SYNE1: variants seen among roughly 807,000 people sequenced by gnomAD.
SYNE1 encodes the protein nesprin-1.
Under a neutral mutation model 1,111.0 loss-of-function variants are expected in SYNE1, and 616 were observed. The ratio of observed to expected loss-of-function variants is 0.55; its 90% CI spans 0.52 to 0.59. The LOEUF is 0.59. Ranked by LOEUF, SYNE1 falls within the 20% of genes least tolerant of loss-of-function variation. SYNE1 has a pLI of 0.00. For missense variants in SYNE1, 10,006 were observed against 10,417.0 expected (o/e 0.96, Z 1.72); for synonymous variants, 3,855 against 3,825.8 (o/e 1.01, Z -0.28).
At chr6:152,255,469 T>G in intron 103 of SYNE1, 122 bp downstream of exon 103, 1 of 1,165,012 alleles carries the variant, frequency 8.6e-7, no homozygotes. Flanking sequence ...TAAGCAATTA[T>G]GTTCTGCATT....
chr6:152,129,368 C>A (rs773449789), intron 145 of SYNE1: 4 of 152,212 alleles, frequency 2.6e-5, no homozygotes, highest in Non-Finnish European at 5.9e-5. Context: ...TTCTTCATCT[C>A]TGTTCATGGT....
In SYNE1 at chr6:152,508,327, C is replaced by G. The variant is rs76467266; in HGVS notation, c.581+1866G>C. Among the ~76,000 whole-genome samples, 1,435 of 152,224 alleles carry G rather than the reference C, an allele frequency of 9.4e-3. 30 individuals carry two copies. The highest frequency in any genetic ancestry group is 0.033 in the African/African-American group (1,376 of 41,514). ...TGCTCACGGGTGGAGAACCCTCAGGCCCAGGATTCTGGACATTGGCCCAGA... is the reference window on the plus strand; with the variant it reads ...TGCTCACGGGTGGAGAACCCTCAGGGCCAGGATTCTGGACATTGGCCCAGA... On this transcript the variant is annotated intron_variant, in intron 8 of 145. Transcript: ENST00000367255.
intron 104 of SYNE1, among the ~76,000 whole-genome samples, chr6:152,253,848 T>G (rs1401125334): frequency 2.8e-5 from 3 of 108,236 alleles, no homozygotes; most frequent in African/African-American, 1.3e-4. Flanking sequence ...TTTTTTTTTT[T>G]TTTTTTTTTT....
intron 138 of SYNE1, among the ~76,000 whole-genome samples, chr6:152,143,247 T>TAA (rs2058842107): frequency 6.6e-6 from 1 of 152,196 alleles, no homozygotes. Context: ...AAACTGCATG[T>TAA]TAGTAATCTA....
chr6:152,629,939 T>C (rs987809522), intron 2 of SYNE1, among the ~76,000 whole-genome samples: 2 of 152,156 alleles, frequency 1.3e-5, no homozygotes, highest in Non-Finnish European at 2.9e-5. Flanking sequence ...CTGTGAGTGC[T>C]GTAAAAATTA....
Position 152,224,425 on chromosome 6 carries a change from C to G in SYNE1, c.21522+69G>C, listed in dbSNP as rs557876695. ...ATGGCAATATTTCAGGATGATGTCT[C>G]CATTTGGTAATTTTTCAGTTTTCTA... On this transcript the variant is annotated intron_variant, in intron 117 of 145. Coordinates refer to ENST00000367255, the MANE Select transcript of SYNE1 (RefSeq NM_182961.4). The G allele has an allele frequency of 2.7e-5, 36 of 1,345,380 alleles. No homozygotes were observed. The African/African-American group carries it at 4.9e-4, about 18-fold the overall frequency. The allele number at this position is 1,345,380 out of a possible 1,614,324, so 83.3% of individuals were successfully genotyped here.
At chr6:152,271,814 A>G (rs2093230780) in intron 98 of SYNE1, among the ~76,000 whole-genome samples, 2 of 152,356 alleles carry the variant, frequency 1.3e-5, no homozygotes, top group Middle Eastern at 6.8e-3. Context: ...CTGCCAAAGT[A>G]GTGGCCCTGG....
At chr6:152,606,774 A>G (rs1408362331) in intron 3 of SYNE1, among the ~76,000 whole-genome samples, 2 of 151,338 alleles carry the variant, frequency 1.3e-5, no homozygotes, top group Admixed American at 6.6e-5. Context: ...CAGCCTCCCA[A>G]GTGGCTGGGA....
chr6:152,539,822 C>T (rs1327233907), intron 4 of SYNE1, 138 bp downstream of exon 4: 3 of 1,005,950 alleles, frequency 3.0e-6, no homozygotes, highest in Non-Finnish European at 4.7e-6. Context: ...TAGGCAACAG[C>T]TAGACCAACC....
intron 129 of SYNE1, among the ~76,000 whole-genome samples, chr6:152,177,822 G>A (rs2066862257): frequency 6.6e-6 from 1 of 152,090 alleles, no homozygotes; most frequent in African/African-American, 2.4e-5. Context: ...TAATCCTCTT[G>A]GATTGTCTTT....
intron 87 of SYNE1, chr6:152,316,418 C>A (rs2095720989): frequency 4.8e-6 from 1 of 206,688 alleles, no homozygotes; most frequent in Non-Finnish European, 9.9e-6. Context: ...TTCAGAGAGG[C>A]AAAGCATTCT....
intron 3 of SYNE1, among the ~76,000 whole-genome samples, chr6:152,605,063 AGG>A (rs1565143091): frequency 2.0e-5 from 1 of 49,726 alleles, no homozygotes; most frequent in Non-Finnish European, 4.0e-5. Context: ...GGAGGGAGGG[AGG>A]GAGGGAGGAA....
intron 49 of SYNE1, among the ~76,000 whole-genome samples, chr6:152,398,322 T>C (rs998546958): frequency 2.6e-5 from 4 of 152,204 alleles, no homozygotes; most frequent in African/African-American, 9.6e-5. Flanking sequence ...ACAGATACAA[T>C]TATTATACTC....
intron 17 of SYNE1, 108 bp from the exon 18 acceptor site, chr6:152,465,568 C>G: frequency 1.0e-6 from 1 of 993,260 alleles, no homozygotes; most frequent in Non-Finnish European, 1.5e-6. Flanking sequence ...ATCACAAATG[C>G]CAGAGTTCAT....
Position 152,617,628 on chromosome 6 carries a change from T to C in SYNE1, c.67+10637A>G, listed in dbSNP as rs889174718. Among the ~76,000 whole-genome samples the C allele has an allele frequency of 5.9e-5, 9 of 152,312 alleles. No individual in the cohort carries two copies. The South Asian group carries it at 1.0e-3, about 18-fold the overall frequency. Reference sequence around the variant, plus strand: ...TGTGCTTAGTACTGGATATCCGAAGTTGAATAAGACAAGATGCCTACTTTC... The same window carrying C: ...TGTGCTTAGTACTGGATATCCGAAGCTGAATAAGACAAGATGCCTACTTTC... On this transcript the variant is annotated intron_variant, in intron 3 of 145. Transcript: ENST00000367255.
chr6:152,134,877 C>A, intron 142 of SYNE1: 1 of 534,732 alleles, frequency 1.9e-6, no homozygotes. Flanking sequence ...TACAACTGAG[C>A]AACAACTTTA....
intron 44 of SYNE1, among the ~76,000 whole-genome samples, chr6:152,408,112 C>A (rs2097931730): frequency 6.6e-6 from 1 of 152,036 alleles, no homozygotes; most frequent in Non-Finnish European, 1.5e-5. Flanking sequence ...CTGCAGTCCC[C>A]AAATTATTTT....
At chr6:152,217,631 G>A (rs532823873) in intron 121 of SYNE1, among the ~76,000 whole-genome samples, 2 of 152,164 alleles carry the variant, frequency 1.3e-5, no homozygotes, top group African/African-American at 4.8e-5. Context: ...AGAGAGATAG[G>A]AGTAGATTGA....
rs747834603 is a variant in SYNE1, at chr6:152,331,344, G to A, written c.13341C>T (p.Tyr4447=). ...TTTTCTCGGACAAGGCTTTGTTTAA[G>A]TACTTTCTTCGCTGGCCCACTAAGT... ...LSDLVGQRRK[Y]LNKALSEKTQ... The change falls in exon 78 of 146, where the codon TAC becomes TAT. Residue 4447 remains tyrosine, a synonymous_variant. Transcript: ENST00000367255. The A allele has an allele frequency of 1.9e-6, 3 of 1,614,198 alleles. No homozygotes were observed. Among genetic ancestry groups the A allele is most frequent in the Non-Finnish European group, 2.5e-6 (3 of 1,180,032 alleles).
Sources: gnomAD v4.1 joint callset for allele counts (sites outside exome capture counted in the v4.1 genomes callset) on GRCh38, gnomAD v4.1.1 for gene constraint, MANE v1.5 for transcripts, NCBI Gene and HGNC (gene_info 2026-07-23, HGNC 2026-07-21) for gene names.